CELF2: variants seen among roughly 807,000 people sequenced by gnomAD.
CELF2 encodes CUGBP Elav-like family member 2.
A neutral mutation model predicts 62.6 loss-of-function variants in CELF2; 8 were observed. The ratio of observed to expected loss-of-function variants is 0.13; its 90% confidence interval spans 0.07 to 0.23. CELF2 has a LOEUF of 0.23. Among genes scored for constraint, CELF2 ranks in the 10% least tolerant of loss-of-function variants. CELF2 has a pLI of 1.00. For synonymous variants in CELF2, 258 were observed against 250.0 expected, an observed-to-expected ratio of 1.03 and a Z score of -0.30; for missense variants, 333 against 671.0, an observed-to-expected ratio of 0.50 and a Z score of 5.56.
At chr10:10,989,863 A>G (rs571451335) in intron 2 of CELF2, among the ~76,000 whole-genome samples, 18 of 152,284 alleles carry the variant, frequency 1.2e-4, no homozygotes, top group African/African-American at 3.8e-4. Flanking sequence ...GACAATAAAC[A>G]TTGGGAGAAA....
At chr10:11,054,656 A>G (rs1325292533) in intron 1 of CELF2, among the ~76,000 whole-genome samples, 1 of 152,144 alleles carries the variant, frequency 6.6e-6, no homozygotes, top group African/African-American at 2.4e-5. Flanking sequence ...GTGAAACATG[A>G]AGGTCAAATG....
chr10:10,542,097 G>A, the CELF2 span, among the ~76,000 whole-genome samples: 5 of 152,336 alleles, frequency 3.3e-5, no homozygotes, highest in Admixed American at 6.5e-5. Flanking sequence ...ATGGTAATGG[G>A]ACAATGGGCT....
intron 1 of CELF2, among the ~76,000 whole-genome samples, chr10:10,847,573 G>A (rs1393690599): frequency 2.0e-5 from 3 of 152,210 alleles, no homozygotes. Flanking sequence ...CTCCCAAGAG[G>A]AAGGGTGGCT....
chr10:10,524,738 C>T, the CELF2 span, among the ~76,000 whole-genome samples: 1 of 151,980 alleles, frequency 6.6e-6, no homozygotes, highest in African/African-American at 2.4e-5. Flanking sequence ...TTTGATTGAG[C>T]ATGTTCTTTT....
At chr10:10,702,552 T>C in the CELF2 span, among the ~76,000 whole-genome samples, 1 of 152,206 alleles carries the variant, frequency 6.6e-6, no homozygotes, top group South Asian at 2.1e-4. Flanking sequence ...TAAAAACTTT[T>C]GCAGACCCAT....
At chr10:10,780,640 C>G in the CELF2 span, among the ~76,000 whole-genome samples, 3 of 152,082 alleles carry the variant, frequency 2.0e-5, no homozygotes, top group South Asian at 6.2e-4. Flanking sequence ...GCTACCGTGC[C>G]CAGCTAATTT....
In CELF2 at chr10:11,006,547, G is replaced by A. The variant is rs534593771; in HGVS notation, c.53+1107G>A. Among the ~76,000 whole-genome samples the A allele has an allele frequency of 2.6e-5, 4 of 152,232 alleles. No homozygotes were observed. The East Asian group carries it at 7.7e-4, about 29-fold the overall frequency. ...TGCCTCTATGGTATTTAAAGCTTGG[G>A]GATTTTTAATTTGCTCATTTGGTGA... On this transcript the variant is annotated intron_variant, in intron 1 of 12. Coordinates refer to the CELF2 transcript ENST00000416382.
chr10:10,585,385 T>C, the CELF2 span, among the ~76,000 whole-genome samples: 1 of 152,120 alleles, frequency 6.6e-6, no homozygotes, highest in Admixed American at 6.6e-5. Flanking sequence ...CCTTCTGTCC[T>C]CTGTACACCT....
chr10:11,325,392 G>A (rs1047510496), intron 11 of CELF2, among the ~76,000 whole-genome samples: 6 of 152,230 alleles, frequency 3.9e-5, no homozygotes, highest in African/African-American at 1.4e-4. Context: ...CAGCATTACT[G>A]CTACATCCAT....
the CELF2 span, among the ~76,000 whole-genome samples, chr10:10,762,258 C>T: frequency 3.3e-5 from 5 of 151,980 alleles, no homozygotes; most frequent in Non-Finnish European, 5.9e-5. Flanking sequence ...GAGAAGAGTT[C>T]TACAGGAAGA....
the CELF2 span, among the ~76,000 whole-genome samples, chr10:10,574,872 GTTTTTT>G: frequency 2.7e-3 from 288 of 106,012 alleles, 2 homozygotes; most frequent in African/African-American, 7.0e-3. Context: ...ACCATGCCTG[GTTTTTT>G]TTTTTTTTTT....
At chr10:11,249,841 T>A (rs1420097665) in intron 4 of CELF2, among the ~76,000 whole-genome samples, 1 of 152,222 alleles carries the variant, frequency 6.6e-6, no homozygotes, top group African/African-American at 2.4e-5. Flanking sequence ...CTCTTTTAAG[T>A]TTTTGTTCCC....
At chr10:10,692,158 T>C in the CELF2 span, among the ~76,000 whole-genome samples, 2 of 149,496 alleles carry the variant, frequency 1.3e-5, no homozygotes, top group Admixed American at 6.6e-5. Context: ...CGTTTAAGTC[T>C]TTAATCCATC....
chr10:11,084,757 A>G (rs890968021), intron 1 of CELF2, among the ~76,000 whole-genome samples: 6 of 152,138 alleles, frequency 3.9e-5, no homozygotes, highest in Non-Finnish European at 8.8e-5. Context: ...TAAAAGAAAA[A>G]AAAACCCACG....
the CELF2 span, among the ~76,000 whole-genome samples, chr10:10,718,208 G>A: frequency 2.4e-3 from 373 of 152,280 alleles, 3 homozygotes; most frequent in African/African-American, 8.5e-3. Flanking sequence ...TTATTTCAAA[G>A]TGAGTGCTAT....
intron 1 of CELF2, among the ~76,000 whole-genome samples, chr10:10,918,991 C>T (rs2064607981): frequency 6.6e-6 from 1 of 152,078 alleles, no homozygotes; most frequent in Non-Finnish European, 1.5e-5. Context: ...AAGAGATGGG[C>T]CAGGTGCGGT....
At chr10:10,682,333 T>G in the CELF2 span, among the ~76,000 whole-genome samples, 1 of 152,242 alleles carries the variant, frequency 6.6e-6, no homozygotes, top group African/African-American at 2.4e-5. Context: ...TAATCTCAGT[T>G]GTTACCCATT....
At chr10:11,057,590 T>A (rs985546929) in intron 1 of CELF2, among the ~76,000 whole-genome samples, 3 of 152,182 alleles carry the variant, frequency 2.0e-5, no homozygotes, top group African/African-American at 7.2e-5. Context: ...TGTTTGGCCT[T>A]TATGGATACA....
At chr10:10,937,171 G>C (rs1057477521) in intron 2 of CELF2, among the ~76,000 whole-genome samples, 1 of 131,314 alleles carries the variant, frequency 7.6e-6, no homozygotes, top group African/African-American at 2.8e-5. Flanking sequence ...CTGTTGCCCA[G>C]GCTGGAGCGC....
Sources: allele counts gnomAD v4.1 joint callset (sites outside exome capture counted in the v4.1 genomes callset), GRCh38; gene constraint gnomAD v4.1.1; transcripts MANE v1.5; gene names NCBI Gene and HGNC (gene_info 2026-07-23, HGNC 2026-07-21).